The following CDH18 variants were observed in gnomAD, a reference collection of about 807,000 sequenced individuals.
The protein encoded by CDH18 is cadherin-18.
CDH18 carries 31 observed loss-of-function variants against 67.9 expected under a neutral mutation model. The ratio of observed to expected loss-of-function variants is 0.46; its 90% confidence interval spans 0.34 to 0.62. The LOEUF is 0.62. Among genes scored for constraint, CDH18 ranks in the 20% least tolerant of loss-of-function variants. CDH18 has a pLI of 0.01. For missense variants in CDH18, 890 were observed against 975.5 expected, an observed-to-expected ratio of 0.91 and a Z score of 1.17; for synonymous variants, 362 against 347.2, an observed-to-expected ratio of 1.04 and a Z score of -0.48.
At chr5:20,176,663 G>A (rs990036949) in intron 2 of CDH18, among the ~76,000 whole-genome samples, 1 of 152,104 alleles carries the variant, frequency 6.6e-6, no homozygotes, top group Non-Finnish European at 1.5e-5. Flanking sequence ...ATACTGAGTT[G>A]AATGTATTTG....
rs796697683 is a variant in CDH18 at position 19,994,851 on chromosome 5, T to TAGAGAGAG, written c.-517-2838_-517-2837insCTCTCTCT. Among the ~76,000 whole-genome samples, 373 of 39,194 alleles carry TAGAGAGAG rather than the reference T, an allele frequency of 9.5e-3. 42 individuals carry two copies. Among genetic ancestry groups the TAGAGAGAG allele is most frequent in the African/African-American group, 0.014 (110 of 8,120 alleles). The allele number at this position is 39,194 out of a possible 152,430, so 25.7% of individuals were successfully genotyped here. On this transcript the variant is annotated intron_variant, in intron 2 of 14. Coordinates refer to the CDH18 transcript ENST00000507958. ...GAGAATATATATATATATATATATATATATAGAGAGAGAGAGAGAGAGAGA... is the reference window on the plus strand; with the variant it reads ...GAGAATATATATATATATATATATATAGAGAGAGATATAGAGAGAGAGAGAGAGAGAGA...
At chr5:19,633,703 C>T (rs768491482) in intron 5 of CDH18, among the ~76,000 whole-genome samples, 4 of 151,998 alleles carry the variant, frequency 2.6e-5, no homozygotes, top group Non-Finnish European at 5.9e-5. Context: ...AATCTCAGCT[C>T]ACTGCAACCT....
intron 2 of CDH18, among the ~76,000 whole-genome samples, chr5:19,888,255 C>A (rs912407482): frequency 6.6e-6 from 1 of 152,100 alleles, no homozygotes; most frequent in African/African-American, 2.4e-5. Flanking sequence ...TGCACACACA[C>A]CGACAGTTTA....
At chr5:19,522,878 G>C (rs140228748) in intron 9 of CDH18, among the ~76,000 whole-genome samples, 1 of 130,308 alleles carries the variant, frequency 7.7e-6, no homozygotes, top group Non-Finnish European at 1.6e-5. Context: ...CTGAGTGACA[G>C]AGTGAGACTC....
intron 1 of CDH18, among the ~76,000 whole-genome samples, chr5:20,493,356 T>TAA (rs148292031): frequency 0.011 from 537 of 47,192 alleles, 29 homozygotes; most frequent in African/African-American, 0.039. Flanking sequence ...TTCAGAAAAT[T>TAA]AAAAAAAAAA....
intron 8 of CDH18, among the ~76,000 whole-genome samples, chr5:19,545,275 G>A (rs993878296): frequency 1.3e-5 from 2 of 152,082 alleles, no homozygotes; most frequent in African/African-American, 2.4e-5. Flanking sequence ...TGCAAAGATC[G>A]AAATTAAAGA....
chr5:19,483,620 A>C, intron 11 of CDH18, 68 bp from the exon 12 acceptor site: 1 of 1,441,906 alleles, frequency 6.9e-7, no homozygotes, highest in Non-Finnish European at 9.4e-7. Context: ...CATTTCCTTT[A>C]ATGGATAAAA....
chr5:20,508,746 C>A (rs1339408813), intron 1 of CDH18, among the ~76,000 whole-genome samples: 1 of 151,930 alleles, frequency 6.6e-6, no homozygotes, highest in Non-Finnish European at 1.5e-5. Context: ...CTATGAGTCT[C>A]AGTTCCATTG....
Position 19,473,088 on chromosome 5 carries a change from G to C in CDH18, c.*138C>G. On this transcript the variant is annotated 3_prime_UTR_variant, in exon 13 of 13. Transcript: ENST00000382275. ...AATAACCCAGTTTCGATCATGAAAA[G>C]GGCACTTGTTTCTACAGGAGCTGTG... 1 of 919,268 alleles carries C rather than the reference G, an allele frequency of 1.1e-6. No individual in the cohort carries two copies. 56.9% of individuals were successfully genotyped at this position (919,268 alleles called of 1,614,324 possible).
At chr5:19,806,354 A>C (rs1177079375) in intron 3 of CDH18, among the ~76,000 whole-genome samples, 3 of 152,232 alleles carry the variant, frequency 2.0e-5, no homozygotes, top group Admixed American at 2.0e-4. Context: ...TAATCATTGC[A>C]GCGGCATATT....
chr5:20,213,534 A>C (rs1323123193), intron 2 of CDH18, among the ~76,000 whole-genome samples: 1 of 151,988 alleles, frequency 6.6e-6, no homozygotes, highest in Non-Finnish European at 1.5e-5. Context: ...TTGGTAGACT[A>C]TTACTGATTC....
At chr5:20,040,805 C>T (rs1740352347) in intron 2 of CDH18, among the ~76,000 whole-genome samples, 1 of 152,052 alleles carries the variant, frequency 6.6e-6, no homozygotes. Flanking sequence ...CCTGTGAAAC[C>T]ACAAGAAGAA....
At chr5:20,394,979 T>C (rs570253755) in intron 1 of CDH18, among the ~76,000 whole-genome samples, 3 of 152,322 alleles carry the variant, frequency 2.0e-5, no homozygotes, top group East Asian at 3.9e-4. Flanking sequence ...GGAACACTTA[T>C]ACATGGCTGT....
intron 2 of CDH18, among the ~76,000 whole-genome samples, chr5:20,120,570 T>A (rs2126411277): frequency 6.6e-6 from 1 of 152,296 alleles, no homozygotes; most frequent in Non-Finnish European, 1.5e-5. Flanking sequence ...GAGTCTGTAT[T>A]ACTAAACTAT....
intron 1 of CDH18, among the ~76,000 whole-genome samples, chr5:20,427,000 T>C (rs906049690): frequency 1.3e-5 from 2 of 151,138 alleles, no homozygotes; most frequent in South Asian, 2.1e-4. Context: ...TGGATTGTGA[T>C]TGAAGTGCTT....
intron 2 of CDH18, among the ~76,000 whole-genome samples, chr5:19,840,288 G>GAAAAAAAAAAAAAAAAAAAA (rs70954608): frequency 7.8e-6 from 1 of 128,056 alleles, no homozygotes. Flanking sequence ...AAAAAAAAAA[G>GAAAAAAAAAAAAAAAAAAAA]AAAAAAAAAA....
Position 20,541,347 on chromosome 5 carries a change from A to G in CDH18, c.-580+34115T>C, listed in dbSNP as rs949016583. On this transcript the variant is annotated intron_variant, in intron 1 of 14. Coordinates refer to the CDH18 transcript ENST00000507958. ...CCTTAGACATTAAACTATGTTATTA[A>G]AACTATGGAAGATCTGTTAGTAAAA... Among the ~76,000 whole-genome samples, 9 of 152,292 alleles carry G rather than the reference A, an allele frequency of 5.9e-5. No individual in the cohort carries two copies. The East Asian group carries it at 1.4e-3, about 23-fold the overall frequency.
At chr5:19,856,786 G>A (rs1474410378) in intron 2 of CDH18, among the ~76,000 whole-genome samples, 1 of 152,014 alleles carries the variant, frequency 6.6e-6, no homozygotes, top group African/African-American at 2.4e-5. Context: ...TGGACTTCCA[G>A]CTTCAAGCAC....
At chr5:20,398,814 T>G (rs1447393807) in intron 1 of CDH18, among the ~76,000 whole-genome samples, 1 of 150,626 alleles carries the variant, frequency 6.6e-6, no homozygotes, top group African/African-American at 2.4e-5. Context: ...TATACCTACG[T>G]AGAAAACCAC....
Sources: gnomAD v4.1 joint callset for allele counts (sites outside exome capture counted in the v4.1 genomes callset) on GRCh38, gnomAD v4.1.1 for gene constraint, MANE v1.5 for transcripts, NCBI Gene and HGNC (gene_info 2026-07-23, HGNC 2026-07-21) for gene names.